Variants in CECR2 observed in about 807,000 individuals in gnomAD.
CECR2 encodes chromatin remodeling regulator CECR2.
A neutral mutation model predicts 154.5 loss-of-function variants in CECR2; 30 were observed. The ratio of observed to expected loss-of-function variants is 0.19; its 90% CI spans 0.15 to 0.26. The LOEUF is 0.26. CECR2 is among the 10% of genes least tolerant of loss of function. The pLI is 1.00. For missense variants in CECR2, 1,743 were observed against 1,829.3 expected, an observed-to-expected ratio of 0.95 and a Z score of 0.86; for synonymous variants, 725 against 683.7, an observed-to-expected ratio of 1.06 and a Z score of -0.94.
intron 1 of CECR2, among the ~76,000 whole-genome samples, chr22:17,362,745 T>C (rs912599486): frequency 6.0e-5 from 9 of 151,044 alleles, no homozygotes; most frequent in Non-Finnish European, 8.9e-5. Context: ...CTATGAAAAA[T>C]ACAAAAATTA....
At chr22:17,508,328 A>G (rs1285535812) in intron 7 of CECR2, among the ~76,000 whole-genome samples, 3 of 151,832 alleles carry the variant, frequency 2.0e-5, no homozygotes, top group Non-Finnish European at 2.9e-5. Flanking sequence ...CGGACTCAGC[A>G]GAGCAACTGC....
At chr22:17,472,455 C>T (rs979211773) in intron 1 of CECR2, among the ~76,000 whole-genome samples, 5 of 152,118 alleles carry the variant, frequency 3.3e-5, no homozygotes, top group Non-Finnish European at 5.9e-5. Context: ...CTTGCGGTTC[C>T]GGGTCCTATA....
Position 17,555,703 on chromosome 22 carries a change from T to G in CECR2, c.*2863T>G, listed in dbSNP as rs932150983. ...ATGATGGTTATGTGATATGTTATAT[T>G]TAGGAAGTAGTGTGTAAGGTATCCT... is the stretch of plus-strand genomic sequence containing the variant. On this transcript the variant is annotated 3_prime_UTR_variant, in exon 19 of 19. Coordinates refer to ENST00000262608, the MANE Select transcript of CECR2 (RefSeq NM_001290047.2). The G allele has an allele frequency of 1.3e-5, 2 of 152,200 alleles. No individual in the cohort carries two copies. Among genetic ancestry groups the G allele is most frequent in the African/African-American group, 4.8e-5 (2 of 41,456 alleles). The allele number at this position is 152,200 out of a possible 1,614,324, so 9.4% of individuals were successfully genotyped here. A position where few individuals can be genotyped will look rare whatever the true frequency, so the allele number is the denominator to read the frequency against.
At chr22:17,379,988 A>G (rs373412690) in intron 1 of CECR2, among the ~76,000 whole-genome samples, 19 of 152,190 alleles carry the variant, frequency 1.2e-4, no homozygotes, top group South Asian at 4.2e-4. Flanking sequence ...GGGGTATTCA[A>G]TCCCCACAGA....
At chr22:17,381,030 A>G (rs1446748931) in intron 1 of CECR2, among the ~76,000 whole-genome samples, 1 of 115,124 alleles carries the variant, frequency 8.7e-6, no homozygotes, top group African/African-American at 3.4e-5. Flanking sequence ...GAATTCTTTT[A>G]GGTGTGGGGA....
intron 1 of CECR2, among the ~76,000 whole-genome samples, chr22:17,377,984 T>G (rs1426330602): frequency 2.0e-5 from 3 of 152,142 alleles, no homozygotes; most frequent in African/African-American, 7.2e-5. Context: ...GCGTTTTGTT[T>G]TGTTTTGTTT....
chr22:17,442,409 C>T (rs780053879), intron 1 of CECR2, among the ~76,000 whole-genome samples: 1 of 152,136 alleles, frequency 6.6e-6, no homozygotes, highest in African/African-American at 2.4e-5. Flanking sequence ...TCTACAAATA[C>T]ATATATATTT....
In CECR2 at chr22:17,486,091, C is replaced by T. The variant is rs2055415191; in HGVS notation, c.221+8409C>T. Among the ~76,000 whole-genome samples, 6 of 152,322 alleles carry T rather than the reference C, an allele frequency of 3.9e-5. 1 individual carries two copies. The South Asian group carries it at 1.2e-3, about 32-fold the overall frequency. Reference sequence around the variant, plus strand: ...AACTCCTGGGCTCAAGCCATCTTCTCACCTCAGCCTCCTAAGTAGCTGAGA... The same window carrying T: ...AACTCCTGGGCTCAAGCCATCTTCTTACCTCAGCCTCCTAAGTAGCTGAGA... On this transcript the variant is annotated intron_variant, in intron 2 of 18. Transcript: ENST00000262608.
chr22:17,552,036 A>C lies in CECR2; in HGVS notation c.4283A>C (p.Gln1428Pro), dbSNP rs1353024710. ...FQEMYRPSGM[Q>P]MHPVQSQASF... ...CTTCTTTCTCGTGGCTGTAGAATGC[A>C]GATGCACCCGGTCCAGTCGCAGGCC... Residue 1428 changes from glutamine to proline, a missense_variant, in exon 18 of 19, where the codon CAG (glutamine) becomes CCG (proline). This residue lies in a region of CECR2 where 1,250 missense variants were observed against 1,192.1 expected (regional missense o/e 1.05). Transcript: ENST00000262608. 4 of 1,613,772 alleles carry C rather than the reference A, an allele frequency of 2.5e-6. No individual in the cohort carries two copies. Among genetic ancestry groups the C allele is most frequent in the African/African-American group, 1.3e-5 (1 of 74,906 alleles).
chr22:17,418,425 G>C (rs1200610315), intron 1 of CECR2, among the ~76,000 whole-genome samples: 1 of 152,182 alleles, frequency 6.6e-6, no homozygotes, highest in Non-Finnish European at 1.5e-5. Context: ...CGGAACTGTA[G>C]TAGCCCCACA....
At chr22:17,473,148 C>G (rs565584411) in intron 1 of CECR2, among the ~76,000 whole-genome samples, 2 of 152,324 alleles carry the variant, frequency 1.3e-5, no homozygotes, top group East Asian at 3.9e-4. Context: ...CTGTTACTCC[C>G]TTCAGCTACT....
At chr22:17,441,592 C>G (rs1429475009) in intron 1 of CECR2, among the ~76,000 whole-genome samples, 1 of 134,486 alleles carries the variant, frequency 7.4e-6, no homozygotes, top group Non-Finnish European at 1.5e-5. Flanking sequence ...GTGTCTTACT[C>G]TGTGGACCCC....
rs62239277 is a variant in CECR2 at position 17,410,050 on chromosome 22, C to T, written c.126+40141C>T. Reference sequence around the variant, plus strand: ...AGGCTGGAGTGCAGTGGCAGTATCTCGGCTCACTGCAATCTCCACCTCCTG... The same window carrying T: ...AGGCTGGAGTGCAGTGGCAGTATCTTGGCTCACTGCAATCTCCACCTCCTG... On this transcript the variant is annotated intron_variant, in intron 1 of 18. Coordinates refer to ENST00000262608, the MANE Select transcript of CECR2 (RefSeq NM_001290047.2). Among the ~76,000 whole-genome samples, 20 of 140,310 alleles carry T rather than the reference C, an allele frequency of 1.4e-4. 6 individuals are homozygous for T. Among genetic ancestry groups the T allele is most frequent in the Non-Finnish European group, 3.2e-4 (20 of 63,196 alleles). The allele number at this position is 140,310 out of a possible 152,430, so 92.0% of individuals were successfully genotyped here.
At position 17,514,727 on chromosome 22, in the gene CECR2, A is replaced by G. The variant is rs549621416; in HGVS notation, c.954+2831A>G. Among the ~76,000 whole-genome samples, 49 of 152,294 alleles carry G rather than the reference A, an allele frequency of 3.2e-4. No homozygotes were observed. The South Asian group carries it at 9.9e-3, about 31-fold the overall frequency. On this transcript the variant is annotated intron_variant, in intron 8 of 18. Transcript: ENST00000262608. The stretch of plus-strand genomic sequence containing the variant: ...CATCAGCCTAGTGCTGAAAATCAGC[A>G]GAGGAATTTTAAAACAGACTTGTGG...
At chr22:17,535,061 G>A (rs1304773676) in intron 9 of CECR2, among the ~76,000 whole-genome samples, 1 of 151,960 alleles carries the variant, frequency 6.6e-6, no homozygotes, top group Non-Finnish European at 1.5e-5. Context: ...TGAGGCAGGA[G>A]AATGACGTGA....
At chr22:17,436,425 C>CTTATTTCA (rs1304425528) in intron 1 of CECR2, among the ~76,000 whole-genome samples, 1 of 152,176 alleles carries the variant, frequency 6.6e-6, no homozygotes, top group Non-Finnish European at 1.5e-5. Context: ...ACTGGAGTGA[C>CTTATTTCA]GGAAGAAAGA....
At chr22:17,468,268 G>A (rs948937914) in intron 1 of CECR2, among the ~76,000 whole-genome samples, 6 of 152,114 alleles carry the variant, frequency 3.9e-5, no homozygotes, top group African/African-American at 7.2e-5. Context: ...GGGATACTAG[G>A]GAATAAAAGA....
At chr22:17,392,022 G>A (rs1190798348) in intron 1 of CECR2, among the ~76,000 whole-genome samples, 5 of 152,050 alleles carry the variant, frequency 3.3e-5, no homozygotes, top group Admixed American at 2.0e-4. Context: ...GGCTGGTCTC[G>A]AACTCTCGAA....
chr22:17,418,877 C>A (rs556564248), intron 1 of CECR2: 5 of 163,430 alleles, frequency 3.1e-5, no homozygotes, highest in Non-Finnish European at 4.0e-5. Flanking sequence ...GCCCGGGAGG[C>A]GCGGGCCGAA....
Sources: allele counts gnomAD v4.1 joint callset (sites outside exome capture counted in the v4.1 genomes callset), GRCh38; gene constraint gnomAD v4.1.1; regional missense constraint gnomAD v4.1.1; transcripts MANE v1.5; gene names NCBI Gene and HGNC (gene_info 2026-07-23, HGNC 2026-07-21).